The following SNTG1 variants were observed in gnomAD, a reference collection of about 807,000 sequenced individuals.
The protein encoded by SNTG1 is syntrophin gamma 1.
In SNTG1, 39 loss-of-function variants were observed where a neutral mutation model predicts 74.7. That is an observed-to-expected ratio of 0.52 (90% CI 0.40 to 0.68). The LOEUF (loss-of-function observed/expected upper bound fraction) is 0.68, where lower values mean the gene tolerates loss of function less well. Among genes scored for constraint, SNTG1 ranks in the 30% least tolerant of loss-of-function variants. The pLI is 0.00. For missense variants in SNTG1, 685 were observed against 609.5 expected (o/e 1.12, Z -1.30); for synonymous variants, 254 against 217.1 (o/e 1.17, Z -1.49).
chr8:50,710,436 G>C (rs911734765), intron 17 of SNTG1, among the ~76,000 whole-genome samples: 2 of 151,966 alleles, frequency 1.3e-5, no homozygotes, highest in African/African-American at 4.8e-5. Flanking sequence ...TGAGTAATAA[G>C]TTAATTTTAT....
At position 49,992,221 on chromosome 8, in the gene SNTG1, A is replaced by C. The variant is rs140456609; in HGVS notation, c.-103+79990A>C. ...TAGTTTTCAGAATAAGAATGTAAGA[A>C]GATAAAAAATATTCAGAAATGGTAC... On this transcript the variant is annotated intron_variant, in intron 1 of 18. Transcript: ENST00000642720. Among the ~76,000 whole-genome samples, 1,128 of 152,326 alleles carry C rather than the reference A, an allele frequency of 7.4e-3. 7 individuals carry two copies. Among genetic ancestry groups the C allele is most frequent in the South Asian group, 0.016 (76 of 4,828 alleles).
rs1047387303 is a variant in SNTG1 at position 50,153,717 on chromosome 8, G to A, written c.-102-18844G>A. 5.9e-5 allele frequency among the ~76,000 whole-genome samples: 9 copies of A among 152,280 alleles called. No homozygotes were observed. In the South Asian group the frequency reaches 1.7e-3, roughly 28 times the overall value. On this transcript the variant is annotated intron_variant, in intron 1 of 18. Transcript: ENST00000642720. ...TCAGCAGCGGAGGCTGCAGAACAGC[G>A]AATATTGCTGAACAGCAAATGTTGC...
intron 13 of SNTG1, among the ~76,000 whole-genome samples, chr8:50,630,459 C>G (rs1048462797): frequency 2.0e-5 from 3 of 152,144 alleles, no homozygotes; most frequent in African/African-American, 7.2e-5. Context: ...TTCTTCAGTT[C>G]TTACTGGCCA....
chr8:49,940,203 C>T (rs1198840154), intron 1 of SNTG1, among the ~76,000 whole-genome samples: 1 of 152,002 alleles, frequency 6.6e-6, no homozygotes, highest in East Asian at 1.9e-4. Flanking sequence ...GAAACTGCAC[C>T]AAAAGGTAGT....
At chr8:50,038,179 G>A (rs1043036378) in intron 1 of SNTG1, among the ~76,000 whole-genome samples, 4 of 152,088 alleles carry the variant, frequency 2.6e-5, no homozygotes, top group African/African-American at 4.8e-5. Context: ...TTCTGTACAC[G>A]TGGAAAACAA....
intron 1 of SNTG1, among the ~76,000 whole-genome samples, chr8:50,045,841 T>C (rs965421350): frequency 2.6e-5 from 4 of 152,114 alleles, no homozygotes; most frequent in African/African-American, 7.2e-5. Flanking sequence ...CTGATTTTAG[T>C]TCTGTTGAGA....
At chr8:50,776,007 G>C (rs1046622489) in intron 18 of SNTG1, among the ~76,000 whole-genome samples, 1 of 151,360 alleles carries the variant, frequency 6.6e-6, no homozygotes, top group Non-Finnish European at 1.5e-5. Context: ...AAGTGAGCTT[G>C]TAGATAGCAT....
chr8:50,214,664 G>T (rs1043164567), intron 2 of SNTG1, among the ~76,000 whole-genome samples: 5 of 152,086 alleles, frequency 3.3e-5, no homozygotes, highest in Non-Finnish European at 4.4e-5. Flanking sequence ...TTTGTGTAAT[G>T]TAATTGGCTT....
At chr8:50,359,182 C>T (rs1222816215) in intron 2 of SNTG1, among the ~76,000 whole-genome samples, 11 of 152,148 alleles carry the variant, frequency 7.2e-5, no homozygotes, top group African/African-American at 1.2e-4. Flanking sequence ...ATAGGCATGC[C>T]ATTTATTCTG....
At chr8:50,775,695 A>G (rs562143963) in intron 18 of SNTG1, among the ~76,000 whole-genome samples, 2 of 151,766 alleles carry the variant, frequency 1.3e-5, no homozygotes, top group Admixed American at 6.6e-5. Flanking sequence ...TCTTTTACCA[A>G]TTGTTAAGAG....
chr8:50,087,775 TTTTA>T (rs1355774551), intron 1 of SNTG1, among the ~76,000 whole-genome samples: 2 of 151,840 alleles, frequency 1.3e-5, no homozygotes, highest in Non-Finnish European at 2.9e-5. Flanking sequence ...TTTATTTATT[TTTTA>T]TTTATTTATT....
chr8:50,689,110 G>T (rs371754276), intron 15 of SNTG1, among the ~76,000 whole-genome samples: 10 of 144,888 alleles, frequency 6.9e-5, no homozygotes, highest in Non-Finnish European at 9.0e-5. Context: ...TGTATCCTGA[G>T]ACTTTGCTGA....
At chr8:49,960,068 AC>A (rs1338097228) in intron 1 of SNTG1, among the ~76,000 whole-genome samples, 1 of 152,224 alleles carries the variant, frequency 6.6e-6, no homozygotes, top group East Asian at 1.9e-4. Flanking sequence ...TTGTAAACCC[AC>A]ACAGGGTGCA....
chr8:50,670,552 C>T (rs2095275600), intron 15 of SNTG1, among the ~76,000 whole-genome samples: 1 of 149,470 alleles, frequency 6.7e-6, no homozygotes, highest in Admixed American at 6.7e-5. Context: ...AGGATACAAA[C>T]AAATGGAAGA....
chr8:50,632,342 A>T (rs908308679), intron 13 of SNTG1, among the ~76,000 whole-genome samples: 1 of 150,780 alleles, frequency 6.6e-6, no homozygotes, highest in Admixed American at 6.6e-5. Context: ...AGAGGGTCTC[A>T]CTCTGTTGTC....
intron 2 of SNTG1, among the ~76,000 whole-genome samples, chr8:50,279,661 G>A (rs886163300): frequency 2.0e-5 from 3 of 152,228 alleles, no homozygotes; most frequent in Non-Finnish European, 1.5e-5. Flanking sequence ...AATCAAACAA[G>A]TTTATTAAAA....
intron 1 of SNTG1, among the ~76,000 whole-genome samples, chr8:50,117,434 C>T (rs371906680): frequency 2.6e-5 from 4 of 152,172 alleles, no homozygotes; most frequent in East Asian, 3.9e-4. Flanking sequence ...TGATTCCTGA[C>T]ATCAGTATAC....
At chr8:50,392,469 G>T (rs552379872) in intron 2 of SNTG1, among the ~76,000 whole-genome samples, 1 of 152,246 alleles carries the variant, frequency 6.6e-6, no homozygotes, top group East Asian at 1.9e-4. Flanking sequence ...GGCCTCTTTG[G>T]CTCTTTGGCT....
At position 50,683,616 on chromosome 8, in the gene SNTG1, G is replaced by A. The variant is rs950784823; in HGVS notation, c.1039-20984G>A. On this transcript the variant is annotated intron_variant, in intron 15 of 18. Transcript: ENST00000642720. ...GGCAAGATACTAATACAGTATACTA[G>A]GGTATATAAATAGGAGAGCAATTTC... Among the ~76,000 whole-genome samples the A allele has an allele frequency of 2.6e-5, 4 of 152,286 alleles. No individual in the cohort carries two copies. The South Asian group carries it at 6.2e-4, about 24-fold the overall frequency.
Sources: allele counts gnomAD v4.1 joint callset (sites outside exome capture counted in the v4.1 genomes callset), GRCh38; gene constraint gnomAD v4.1.1; transcripts MANE v1.5; gene names NCBI Gene and HGNC (gene_info 2026-07-23, HGNC 2026-07-21).